Variants in TAF5 observed in about 807,000 individuals in gnomAD.
The protein encoded by TAF5 is transcription initiation factor TFIID subunit 5.
Under a neutral mutation model 80.9 loss-of-function variants are expected in TAF5, and 20 were observed. The ratio of observed to expected loss-of-function variants is 0.25; its 90% CI spans 0.17 to 0.36. The LOEUF (loss-of-function observed/expected upper bound fraction) is 0.36, where lower values mean the gene tolerates loss of function less well. Among genes scored for constraint, TAF5 ranks in the 10% least tolerant of loss-of-function variants. The probability of loss-of-function intolerance (pLI) is 1.00; values close to 1 mark genes in which losing one functional copy is unlikely to be tolerated. For synonymous variants in TAF5, 388 were observed against 406.4 expected, an observed-to-expected ratio of 0.95 and a Z score of 0.55; for missense variants, 863 against 1,029.4, an observed-to-expected ratio of 0.84 and a Z score of 2.21.
intron 6 of TAF5, among the ~76,000 whole-genome samples, chr10:103,382,759 C>T (rs1305947986): frequency 6.6e-6 from 1 of 151,826 alleles, no homozygotes; most frequent in Admixed American, 6.6e-5. Context: ...GTGATCCTCC[C>T]ACTTCAGCCT....
At chr10:103,370,772 G>A (rs2093357784) in intron 1 of TAF5, among the ~76,000 whole-genome samples, 1 of 152,120 alleles carries the variant, frequency 6.6e-6, no homozygotes, top group African/African-American at 2.4e-5. Context: ...TACCGTATAA[G>A]GTATCAAAGG....
At position 103,370,638 on chromosome 10, in the gene TAF5, T is replaced by G. The variant is rs567393245; in HGVS notation, c.559+2090T>G. On this transcript the variant is annotated intron_variant, in intron 1 of 10. Transcript: ENST00000369839. ...CACCGTGCCCGGCCACTTGAGGCAC[T>G]TATAATATCTATATGTAAAATGTTT... 3.9e-5 allele frequency among the ~76,000 whole-genome samples: 6 copies of G among 152,128 alleles called. No homozygotes were observed. In the East Asian group the frequency reaches 1.2e-3, roughly 30 times the overall value.
chr10:103,375,119 CAAAAAAAAAA>C (rs914374305), intron 2 of TAF5, among the ~76,000 whole-genome samples: 2 of 80,650 alleles, frequency 2.5e-5, no homozygotes, highest in Non-Finnish European at 4.5e-5. Flanking sequence ...GACCCTGTCT[CAAAAAAAAAA>C]AAAAAAAAAA....
chr10:103,375,638 G>C (rs1259464734), intron 2 of TAF5, among the ~76,000 whole-genome samples: 1 of 152,098 alleles, frequency 6.6e-6, no homozygotes, highest in East Asian at 1.9e-4. Flanking sequence ...CTAGGGGAGA[G>C]TATGAAATAA....
chr10:103,387,275 A>T lies in TAF5; in HGVS notation c.1930A>T (p.Thr644Ser), dbSNP rs768678976. Reference sequence around the variant, plus strand: ...CCATCCAAATTCTAATTATGTTGCTACGGGCTCTGCAGACAGAACTGTGCG... The same window carrying T: ...CCATCCAAATTCTAATTATGTTGCTTCGGGCTCTGCAGACAGAACTGTGCG... ...RFHPNSNYVATGSADRTVRLW... is the reference protein window; with the variant it reads ...RFHPNSNYVASGSADRTVRLW... The change falls in exon 9 of 11, where the codon ACG (threonine) becomes TCG (serine). Residue 644 changes from threonine (T) to serine (S), a missense_variant. By Grantham distance (58) the Thr-to-Ser change is moderately conservative (BLOSUM62 1). Transcript: ENST00000369839. 5 of 1,614,160 alleles carry T rather than the reference A, an allele frequency of 3.1e-6. No individual in the cohort carries two copies. The highest frequency in any genetic ancestry group is 1.7e-5 in the Admixed American group (1 of 60,012).
At chr10:103,382,016 A>G (rs892887085) in intron 6 of TAF5, among the ~76,000 whole-genome samples, 175 bp downstream of exon 6, 7 of 152,148 alleles carry the variant, frequency 4.6e-5, no homozygotes, top group African/African-American at 1.7e-4. Flanking sequence ...GGGGTGCTAG[A>G]CTGGTTTAAT....
chr10:103,387,715 G>A lies in TAF5; in HGVS notation c.2185+17G>A. On this transcript the variant is annotated intron_variant, in intron 10 of 10. Coordinates refer to ENST00000369839, the MANE Select transcript of TAF5 (RefSeq NM_006951.5). ...TGGCATCAGGTAAATGACTATTAATGGCTTTACGATAAATGCTATGTTAAG... is the reference window on the plus strand; with the variant it reads ...TGGCATCAGGTAAATGACTATTAATAGCTTTACGATAAATGCTATGTTAAG... The A allele has an allele frequency of 6.2e-7, 1 of 1,602,494 alleles. No individual in the cohort carries two copies.
At chr10:103,387,889 T>G in intron 10 of TAF5, 117 bp from the exon 11 acceptor site, 1 of 1,140,786 alleles carries the variant, frequency 8.8e-7, no homozygotes, top group Non-Finnish European at 1.3e-6. Flanking sequence ...AATAGAGTTA[T>G]TGGTCAAGTT....
In TAF5 at chr10:103,388,759, G is replaced by A. The variant is rs2093404189; in HGVS notation, c.*536G>A. 1 of 153,154 alleles carries A rather than the reference G, an allele frequency of 6.5e-6. No homozygotes were observed. Among genetic ancestry groups the A allele is most frequent in the Non-Finnish European group, 1.5e-5 (1 of 68,504 alleles). 9.5% of individuals were successfully genotyped at this position (153,154 alleles called of 1,614,324 possible). ...GGTTCCTTTCTTAGATCTAGAGGAAGTACAGCCACCCACTGACATCTGAAT... is the reference window on the plus strand; with the variant it reads ...GGTTCCTTTCTTAGATCTAGAGGAAATACAGCCACCCACTGACATCTGAAT... On this transcript the variant is annotated 3_prime_UTR_variant, in exon 11 of 11. Coordinates refer to ENST00000369839, the MANE Select transcript of TAF5 (RefSeq NM_006951.5).
chr10:103,373,669 C>A, intron 2 of TAF5, 74 bp downstream of exon 2: 1 of 1,125,494 alleles, frequency 8.9e-7, no homozygotes, highest in Non-Finnish European at 1.3e-6. Context: ...GTTTTCACAT[C>A]TGTAACCACA....
chr10:103,370,813 A>T (rs113978445), intron 1 of TAF5, among the ~76,000 whole-genome samples: 206 of 152,304 alleles, frequency 1.4e-3, no homozygotes, highest in African/African-American at 3.8e-3. Flanking sequence ...ATGTTTATTG[A>T]ATTACCCAGT....
Position 103,368,438 on chromosome 10 carries a change from G to T in TAF5, c.449G>T (p.Arg150Leu). ...GAGGTGACCAGCGCGCTTCTCAGCCGGGTGACCGCCTCGGCCCCTGGCCCT... is the reference window on the plus strand; with the variant it reads ...GAGGTGACCAGCGCGCTTCTCAGCCTGGTGACCGCCTCGGCCCCTGGCCCT... ...GAEVTSALLSRVTASAPGPAA... is the reference protein window; with the variant it reads ...GAEVTSALLSLVTASAPGPAA... Residue 150 changes from arginine (R) to leucine (L), a missense_variant, in exon 1 of 11, where the codon CGG becomes CTG. Physicochemically the swap from Arg to Leu is moderately radical, Grantham distance 102. This residue lies in a region of TAF5 where 367 missense variants were observed against 335.5 expected (regional missense o/e 1.09). Coordinates refer to ENST00000369839, the MANE Select transcript of TAF5 (RefSeq NM_006951.5). 6.3e-7 allele frequency: 1 copy of T among 1,578,108 alleles called. No individual in the cohort carries two copies. Among genetic ancestry groups the T allele is most frequent in the Non-Finnish European group, 8.5e-7 (1 of 1,171,422 alleles).
At chr10:103,368,675 T>A in intron 1 of TAF5, 127 bp downstream of exon 1, 1 of 1,243,344 alleles carries the variant, frequency 8.0e-7, no homozygotes, top group Non-Finnish European at 1.1e-6. Context: ...TAGGGCCACA[T>A]GCCCGCCCCT....
In TAF5 at chr10:103,388,500, G is replaced by A. The variant is rs1004613158; in HGVS notation, c.*277G>A. On this transcript the variant is annotated 3_prime_UTR_variant, in exon 11 of 11. Coordinates refer to ENST00000369839, the MANE Select transcript of TAF5 (RefSeq NM_006951.5). ...GAAACTATGCATTTTCTGTTCAAAT[G>A]CTATTTTAATTTATTACATTTAGAA... 1.7e-5 allele frequency: 4 copies of A among 240,526 alleles called. No individual in the cohort carries two copies. Among genetic ancestry groups the A allele is most frequent in the East Asian group, 1.6e-4 (2 of 12,532 alleles). 14.9% of individuals were successfully genotyped at this position (240,526 alleles called of 1,614,324 possible). A position where few individuals can be genotyped will look rare whatever the true frequency, so the allele number is the denominator to read the frequency against.
chr10:103,385,401 A>T lies in TAF5; in HGVS notation c.1740A>T (p.Gly580=), dbSNP rs746912866. 1.1e-5 allele frequency: 17 copies of T among 1,613,960 alleles called. 1 individual carries two copies. The South Asian group carries it at 1.6e-4, about 16-fold the overall frequency. Residue 580 remains glycine (G), a synonymous_variant, in exon 8 of 11, where the codon GGA becomes GGT. Transcript: ENST00000369839. ...TTCAAACATTTACTTGTTTGGTGGGATATAAAGGACACAACTATCCAGTAT... is the reference window on the plus strand; with the variant it reads ...TTCAAACATTTACTTGTTTGGTGGGTTATAAAGGACACAACTATCCAGTAT... ...WSLQTFTCLV[G]YKGHNYPVWD...
In TAF5 at chr10:103,379,752, A is replaced by G. The variant is rs1192512236; in HGVS notation, c.1258A>G (p.Asn420Asp). 4 of 1,598,932 alleles carry G rather than the reference A, an allele frequency of 2.5e-6. No homozygotes were observed. The South Asian group carries it at 4.6e-5, about 18-fold the overall frequency. The change falls in exon 4 of 11, where the codon AAT (asparagine) becomes GAT (aspartate). Residue 420 changes from asparagine (N) to aspartate (D), a missense_variant. By Grantham distance (23) the Asn-to-Asp change is conservative (BLOSUM62 1). Coordinates refer to ENST00000369839, the MANE Select transcript of TAF5 (RefSeq NM_006951.5). ...IGSKSKKQDP[N>D]APPQNRIPLP... ...ATCCAAAAGCAAAAAACAAGATCCC[A>G]ATGCTCCACCTCAGAACAGGTGAGG...
chr10:103,383,553 T>C (rs1174168152), intron 7 of TAF5, among the ~76,000 whole-genome samples, 186 bp downstream of exon 7: 1 of 150,528 alleles, frequency 6.6e-6, no homozygotes, highest in Non-Finnish European at 1.5e-5. Flanking sequence ...TGTTTGTACA[T>C]GGTAGCAATT....
intron 5 of TAF5, among the ~76,000 whole-genome samples, chr10:103,381,180 C>T (rs542503220): frequency 1.5e-4 from 23 of 152,042 alleles, no homozygotes; most frequent in African/African-American, 5.5e-4. Flanking sequence ...AATTCCTGAG[C>T]TCAGGCAATC....
At chr10:103,369,098 C>G (rs1221846533) in intron 1 of TAF5, among the ~76,000 whole-genome samples, 1 of 151,362 alleles carries the variant, frequency 6.6e-6, no homozygotes, top group Non-Finnish European at 1.5e-5. Flanking sequence ...CCTGCCTCAG[C>G]CTCCCGCGTA....
Sources: gnomAD v4.1 joint callset for allele counts (sites outside exome capture counted in the v4.1 genomes callset) on GRCh38, gnomAD v4.1.1 for gene constraint, gnomAD v4.1.1 regional missense constraint, MANE v1.5 for transcripts, NCBI Gene and HGNC (gene_info 2026-07-23, HGNC 2026-07-21) for gene names.